Variants in SHANK2 observed in about 807,000 individuals in gnomAD.
The protein encoded by SHANK2 is SH3 and multiple ankyrin repeat domains 2.
A neutral mutation model predicts 133.7 loss-of-function variants in SHANK2; 43 were observed. The ratio of observed to expected loss-of-function variants is 0.32; its 90% CI spans 0.25 to 0.41. The LOEUF (loss-of-function observed/expected upper bound fraction) is 0.41. SHANK2 is among the 10% of genes least tolerant of loss of function. SHANK2 has a pLI of 1.00. For synonymous variants in SHANK2, 1,017 were observed against 952.8 expected (o/e 1.07, Z -1.24); for missense variants, 1,994 against 2,235.8 (o/e 0.89, Z 2.18).
chr11:70,538,400 T>A (rs1241840740), intron 17 of SHANK2, among the ~76,000 whole-genome samples: 4 of 152,216 alleles, frequency 2.6e-5, no homozygotes, highest in Admixed American at 6.5e-5. Flanking sequence ...TTGCCAGGCC[T>A]CTTGTGGACT....
chr11:70,650,915 AAATG>A (rs1294089969), intron 17 of SHANK2, among the ~76,000 whole-genome samples: 1 of 152,260 alleles, frequency 6.6e-6, no homozygotes, highest in African/African-American at 2.4e-5. Context: ...TATGCTTCAG[AAATG>A]AATGAGTGAA....
At chr11:70,661,552 C>CACAA (rs782078844) in intron 16 of SHANK2, 44 bp downstream of exon 16, 3 of 1,225,352 alleles carry the variant, frequency 2.4e-6, no homozygotes, top group African/African-American at 3.3e-5. Flanking sequence ...CACACACACA[C>CACAA]ACAAACATGG....
intron 17 of SHANK2, among the ~76,000 whole-genome samples, chr11:70,571,037 C>T (rs2060039016): frequency 6.6e-6 from 1 of 152,162 alleles, no homozygotes; most frequent in African/African-American, 2.4e-5. Context: ...CCAGGAGGCT[C>T]AGAAAACCAC....
chr11:71,221,648 T>C (rs1454075155), intron 2 of SHANK2, among the ~76,000 whole-genome samples: 1 of 152,190 alleles, frequency 6.6e-6, no homozygotes, highest in Non-Finnish European at 1.5e-5. Context: ...TGCAACATTG[T>C]CAATTAATTC....
intron 17 of SHANK2, among the ~76,000 whole-genome samples, chr11:70,611,001 G>A (rs1164946443): frequency 2.0e-5 from 3 of 152,226 alleles, no homozygotes; most frequent in Non-Finnish European, 1.5e-5. Context: ...AGCAAATGAT[G>A]CACCCTGATC....
chr11:70,586,377 G>A (rs1245872233), intron 17 of SHANK2, among the ~76,000 whole-genome samples: 1 of 152,196 alleles, frequency 6.6e-6, no homozygotes, highest in East Asian at 1.9e-4. Context: ...GCTTGCTGGG[G>A]GCAGGAGGGG....
intron 17 of SHANK2, among the ~76,000 whole-genome samples, chr11:70,586,761 G>A (rs1024933164): frequency 1.1e-4 from 17 of 152,338 alleles, no homozygotes; most frequent in South Asian, 4.1e-4. Context: ...AGCTGGAGCC[G>A]GGAGTGGGCA....
intron 6 of SHANK2, among the ~76,000 whole-genome samples, chr11:71,101,429 G>C (rs946654064): frequency 2.0e-5 from 3 of 152,208 alleles, no homozygotes; most frequent in African/African-American, 7.2e-5. Flanking sequence ...CTTAAAAACA[G>C]GTCTCTTTTT....
chr11:70,486,469 CGCCTCAGGGGTCCCCGGGTGTTCT>C lies in SHANK2; in HGVS notation c.3800_3823del (p.Gln1267_Arg1274del), dbSNP rs1555153632. The C allele has an allele frequency of 1.2e-6, 2 of 1,614,086 alleles. No individual in the cohort carries two copies. The highest frequency in any genetic ancestry group is 1.7e-6 in the Non-Finnish European group (2 of 1,180,018). ...CTCGTACTTGTTCTCCGTCTCCTGC[CGCCTCAGGGGTCCCCGGGTGTTCT>C]GCCTGGTGACCGTAGGGAAGCCGGC... On this transcript the variant is annotated inframe_deletion, in exon 25 of 26. Coordinates refer to ENST00000601538, the MANE Select transcript of SHANK2 (RefSeq NM_012309.5). The surrounding 1 kb of genome is among the most constrained non-coding windows in gnomAD (Gnocchi z 8.0).
In SHANK2 at chr11:70,547,330, G is replaced by A. The variant is rs192607688; in HGVS notation, c.2062-44399C>T. 4.2e-3 allele frequency among the ~76,000 whole-genome samples: 636 copies of A among 152,102 alleles called. 7 individuals carry two copies. Among genetic ancestry groups the A allele is most frequent in the African/African-American group, 0.014 (586 of 41,476 alleles). ...GGCTGGAGTGCAGTGGTACAATATC[G>A]GCTCACTGCAACCTCCACCTCTTGG... On this transcript the variant is annotated intron_variant, in intron 17 of 25. Transcript: ENST00000601538.
chr11:71,137,591 G>T (rs1555105020), intron 3 of SHANK2, among the ~76,000 whole-genome samples: 1 of 152,146 alleles, frequency 6.6e-6, no homozygotes, highest in Non-Finnish European at 1.5e-5. Context: ...CGGTGCCAGG[G>T]TGCTGGCTGC....
chr11:71,078,140 A>G (rs1002451217), intron 8 of SHANK2, among the ~76,000 whole-genome samples: 2 of 150,632 alleles, frequency 1.3e-5, no homozygotes, highest in African/African-American at 2.5e-5. Flanking sequence ...TGAGCTTGAA[A>G]TATCTTGTTG....
chr11:70,818,831 C>G (rs1232884232), intron 12 of SHANK2, among the ~76,000 whole-genome samples: 2 of 152,254 alleles, frequency 1.3e-5, no homozygotes, highest in Non-Finnish European at 2.9e-5. Flanking sequence ...ATGTTCTCCC[C>G]ACAAACTCCT....
intron 17 of SHANK2, among the ~76,000 whole-genome samples, chr11:70,581,639 T>C (rs920853177): frequency 6.6e-6 from 1 of 152,210 alleles, no homozygotes; most frequent in Non-Finnish European, 1.5e-5. Flanking sequence ...TGCAATGAGC[T>C]GAGATCGTGC....
intron 15 of SHANK2, among the ~76,000 whole-genome samples, chr11:70,691,850 T>C (rs1370514649): frequency 6.6e-6 from 1 of 152,186 alleles, no homozygotes; most frequent in Non-Finnish European, 1.5e-5. Flanking sequence ...GCTGAGAGCA[T>C]GCCATTGCAC....
At chr11:70,607,470 C>A (rs2060593920) in intron 17 of SHANK2, among the ~76,000 whole-genome samples, 2 of 152,186 alleles carry the variant, frequency 1.3e-5, no homozygotes, top group South Asian at 2.1e-4. Flanking sequence ...ACCATCACAC[C>A]CCACTCCCTG....
At chr11:70,864,094 G>A (rs181978827) in intron 11 of SHANK2, 72 of 308,548 alleles carry the variant, frequency 2.3e-4, no homozygotes, top group African/African-American at 1.3e-3. Context: ...AGTTCGGGGT[G>A]CCCACACACC....
intron 1 of SHANK2, among the ~76,000 whole-genome samples, chr11:71,241,934 C>T (rs1362065009): frequency 2.0e-5 from 3 of 152,190 alleles, no homozygotes. Context: ...GATACTTGCA[C>T]AACCATGTTC....
intron 3 of SHANK2, among the ~76,000 whole-genome samples, chr11:71,137,454 G>T (rs1411076578): frequency 6.6e-6 from 1 of 152,108 alleles, no homozygotes; most frequent in Non-Finnish European, 1.5e-5. Context: ...AAGGTATGGA[G>T]GGGGAAATAA....
Sources: allele counts gnomAD v4.1 joint callset (sites outside exome capture counted in the v4.1 genomes callset), GRCh38; gene constraint gnomAD v4.1.1; non-coding constraint Gnocchi (gnomAD v3.1); transcripts MANE v1.5; gene names NCBI Gene and HGNC (gene_info 2026-07-23, HGNC 2026-07-21).